The following CHL1 variants were observed in gnomAD, a reference collection of about 807,000 sequenced individuals.
CHL1 encodes the protein cell adhesion molecule L1 like.
In CHL1, 96 loss-of-function variants were observed where a neutral mutation model predicts 141.9. The observed-to-expected ratio is 0.68, with a 90% confidence interval of 0.57 to 0.80. The LOEUF is 0.80. Among genes scored for constraint, CHL1 ranks in the 30% least tolerant of loss-of-function variants. The pLI is 0.00. For synonymous variants in CHL1, 613 were observed against 502.2 expected, an observed-to-expected ratio of 1.22 and a Z score of -2.95; for missense variants, 1,820 against 1,457.2, an observed-to-expected ratio of 1.25 and a Z score of -4.05.
chr3:361,088 T>C (rs1463543775), intron 12 of CHL1, among the ~76,000 whole-genome samples: 1 of 152,034 alleles, frequency 6.6e-6, no homozygotes, highest in East Asian at 1.9e-4. Flanking sequence ...ATGATTTATC[T>C]TTGACAAACC....
chr3:244,435 A>AC (rs757264340), intron 1 of CHL1, among the ~76,000 whole-genome samples, 178 bp from the exon 2 acceptor site: 2 of 151,992 alleles, frequency 1.3e-5, no homozygotes, highest in Non-Finnish European at 2.9e-5. Flanking sequence ...AATTCGCAGG[A>AC]CCCCTTTTTT....
At chr3:344,744 AT>A in intron 9 of CHL1, 35 bp downstream of exon 9, 1 of 1,605,600 alleles carries the variant, frequency 6.2e-7, no homozygotes, top group South Asian at 1.1e-5. Context: ...GACTTTGTCC[AT>A]CCAGTTCTGT....
At chr3:362,909 C>T (rs770256729) in intron 13 of CHL1, among the ~76,000 whole-genome samples, 9 of 152,190 alleles carry the variant, frequency 5.9e-5, no homozygotes, top group Non-Finnish European at 1.3e-4. Flanking sequence ...CTAAAGAGTT[C>T]ACCATCAATA....
rs546378214 is a variant in CHL1, at chr3:294,795, C to T, written c.-94-24888C>T. Among the ~76,000 whole-genome samples the T allele has an allele frequency of 3.9e-5, 6 of 152,264 alleles. No individual in the cohort carries two copies. In the South Asian group the frequency reaches 1.2e-3, roughly 32 times the overall value. ...TGACCTTCAAAACTGCGGTCGACCA[C>T]AATTCAGATTTTGAGCTATTCACCA... On this transcript the variant is annotated intron_variant, in intron 2 of 27. Coordinates refer to ENST00000256509, the MANE Select transcript of CHL1 (RefSeq NM_006614.4).
At chr3:217,720 C>T (rs1246744730) in intron 1 of CHL1, 1 of 152,200 alleles carries the variant, frequency 6.6e-6, no homozygotes, top group Non-Finnish European at 1.5e-5. Flanking sequence ...GGGCAGATCA[C>T]ATAAGGCCTT....
At chr3:220,532 A>G (rs1700740559) in intron 1 of CHL1, among the ~76,000 whole-genome samples, 2 of 152,052 alleles carry the variant, frequency 1.3e-5, no homozygotes, top group South Asian at 2.1e-4. Context: ...TTTTAAAAAA[A>G]GGTCCATGCA....
At chr3:317,954 A>G (rs950597167) in intron 2 of CHL1, among the ~76,000 whole-genome samples, 3 of 151,906 alleles carry the variant, frequency 2.0e-5, no homozygotes, top group Non-Finnish European at 4.4e-5. Context: ...AGTATAAGTT[A>G]TTTGTCATTA....
intron 5 of CHL1, among the ~76,000 whole-genome samples, chr3:339,896 G>A (rs1054393561): frequency 2.0e-5 from 3 of 152,110 alleles, no homozygotes; most frequent in Non-Finnish European, 4.4e-5. Context: ...ATCAAGTTGG[G>A]ACTGTTATAA....
At chr3:389,501 G>A (rs774230102) in intron 20 of CHL1, 27 bp downstream of exon 20, 12 of 1,537,512 alleles carry the variant, frequency 7.8e-6, no homozygotes, top group East Asian at 4.5e-5. Context: ...AAACTGCTAA[G>A]CACGTCAGTA....
intron 2 of CHL1, among the ~76,000 whole-genome samples, chr3:285,905 G>A (rs1455743705): frequency 1.3e-5 from 2 of 152,058 alleles, no homozygotes; most frequent in Non-Finnish European, 2.9e-5. Context: ...AGAAAGCAGT[G>A]TTTCCAGACT....
chr3:256,339 G>A lies in CHL1; in HGVS notation c.-95+11647G>A, dbSNP rs547894110. Among the ~76,000 whole-genome samples, 215 of 152,264 alleles carry A rather than the reference G, an allele frequency of 1.4e-3. 1 individual carries two copies. The highest frequency in any genetic ancestry group is 4.8e-3 in the African/African-American group (199 of 41,554). Reference sequence around the variant, plus strand: ...ATGGTAAAGCAGAGCTCCTCCTTTTGAGTGATGTACAGCTATTGCACCACT... The same window carrying A: ...ATGGTAAAGCAGAGCTCCTCCTTTTAAGTGATGTACAGCTATTGCACCACT... On this transcript the variant is annotated intron_variant, in intron 2 of 27. Transcript: ENST00000256509.
intron 2 of CHL1, among the ~76,000 whole-genome samples, chr3:258,048 G>A (rs555293258): frequency 3.3e-5 from 5 of 152,138 alleles, no homozygotes; most frequent in African/African-American, 4.8e-5. Flanking sequence ...GGGAGGTGAC[G>A]CAGGAAGGCT....
intron 10 of CHL1, among the ~76,000 whole-genome samples, chr3:351,648 A>C (rs577649203): frequency 6.6e-6 from 1 of 152,168 alleles, no homozygotes; most frequent in South Asian, 2.1e-4. Context: ...TTGAAAATCT[A>C]CTCCATTCTG....
intron 1 of CHL1, among the ~76,000 whole-genome samples, chr3:231,929 T>C (rs1011696876): frequency 1.3e-5 from 2 of 152,178 alleles, no homozygotes; most frequent in African/African-American, 4.8e-5. Context: ...TCAACTATAC[T>C]TTCAGCTTAC....
chr3:383,839 A>C lies in CHL1; in HGVS notation c.2200A>C (p.Ile734Leu). ...PAAPDRNPQN[I>L]RVQASQPKEM... ...AGCTCCAGATAGGAATCCACAAAAC[A>C]TAAGGGTTCAAGCCTCTCAACCCAA... is the stretch of plus-strand genomic sequence containing the variant. Residue 734 changes from isoleucine (I) to leucine (L), a missense_variant, in exon 19 of 28, where the codon ATA becomes CTA. Coordinates refer to ENST00000256509, the MANE Select transcript of CHL1 (RefSeq NM_006614.4). 1 of 1,610,802 alleles carries C rather than the reference A, an allele frequency of 6.2e-7. No homozygotes were observed. The highest frequency in any genetic ancestry group is 8.5e-7 in the Non-Finnish European group (1 of 1,178,206).
intron 15 of CHL1, among the ~76,000 whole-genome samples, chr3:375,973 C>T (rs929587659): frequency 6.6e-6 from 1 of 152,034 alleles, no homozygotes; most frequent in Admixed American, 6.6e-5. Context: ...GACTGGATAC[C>T]GCAGATGAAG....
chr3:244,522 C>T (rs1393867077), intron 1 of CHL1, 91 bp from the exon 2 acceptor site: 1 of 151,772 alleles, frequency 6.6e-6, no homozygotes, highest in African/African-American at 2.4e-5. Flanking sequence ...AAATTAAATC[C>T]ATTTTTTTAA....
At chr3:295,816 C>G (rs1048655087) in intron 2 of CHL1, among the ~76,000 whole-genome samples, 1 of 152,160 alleles carries the variant, frequency 6.6e-6, no homozygotes, top group African/African-American at 2.4e-5. Context: ...TTAACAAATG[C>G]TGGACAGCCT....
chr3:283,333 G>A (rs755478133), intron 2 of CHL1, among the ~76,000 whole-genome samples: 2 of 152,132 alleles, frequency 1.3e-5, no homozygotes, highest in Non-Finnish European at 2.9e-5. Context: ...TGAATTATGT[G>A]GAGACATGAT....
Sources: gnomAD v4.1 joint callset for allele counts (sites outside exome capture counted in the v4.1 genomes callset) on GRCh38, gnomAD v4.1.1 for gene constraint, MANE v1.5 for transcripts, NCBI Gene and HGNC (gene_info 2026-07-23, HGNC 2026-07-21) for gene names.